ZNF692: variants seen among roughly 807,000 people sequenced by gnomAD.
The protein encoded by ZNF692 is zinc finger protein 692.
Under a neutral mutation model 49.0 loss-of-function variants are expected in ZNF692, and 41 were observed. The ratio of observed to expected loss-of-function variants is 0.84; its 90% CI spans 0.65 to 1.08. ZNF692 has a LOEUF of 1.08. Among genes scored for constraint, ZNF692 ranks in the 50% least tolerant of loss-of-function variants. ZNF692 has a pLI of 0.00. For synonymous variants in ZNF692, 288 were observed against 251.5 expected, an observed-to-expected ratio of 1.15 and a Z score of -1.37; for missense variants, 662 against 662.2, an observed-to-expected ratio of 1.00 and a Z score of 0.00.
chr1:248,850,330 CTCTT>C lies in ZNF692; in HGVS notation c.1436_1439del (p.Gln479ArgfsTer7). The C allele has an allele frequency of 6.2e-7, 1 of 1,613,966 alleles. No individual in the cohort carries two copies. The highest frequency in any genetic ancestry group is 8.5e-7 in the Non-Finnish European group (1 of 1,179,982). ...AGGGCTCTAGGGGACCACTGGGTGA[CTCTT>C]GAGGGGCTAGAAGCAGGGCTGGGTG... On this transcript the variant is annotated frameshift_variant, in exon 12 of 12. Coordinates refer to ENST00000306601, the MANE Select transcript of ZNF692 (RefSeq NM_017865.4). LOFTEE classifies it low-confidence loss of function (END_TRUNC).
In ZNF692 at chr1:248,858,349, G is replaced by A. The variant is rs764418558; in HGVS notation, c.-12-28C>T. 6.6e-7 allele frequency: 1 copy of A among 1,525,316 alleles called. No homozygotes were observed. Among genetic ancestry groups the A allele is most frequent in the Admixed American group, 2.0e-5 (1 of 50,226 alleles). The allele number at this position is 1,525,316 out of a possible 1,614,324, so 94.5% of individuals were successfully genotyped here. Reference sequence around the variant, plus strand: ...GGAGGGTGGAAGGGACGTCTTCAGCGCCCTGCCGATCTCGGGGGTCGGGGA... The same window carrying A: ...GGAGGGTGGAAGGGACGTCTTCAGCACCCTGCCGATCTCGGGGGTCGGGGA... On this transcript the variant is annotated intron_variant, in intron 1 of 11. Transcript: ENST00000306601. This position sits in a 1 kb window ranked among gnomAD's most constrained non-coding sequence, Gnocchi z 4.3.
chr1:248,858,155 T>A lies in ZNF692; in HGVS notation c.155A>T (p.Gln52Leu). ...KERLGFSLHS[Q>L]LAKFLLDRYT... ...CCGGTCCAACAGGAACTTGGCGAGC[T>A]GCGAGTGCAGGGAGAAGCCCAGCCG... Residue 52 changes from glutamine (Q) to leucine (L), a missense_variant, in exon 2 of 12, where the codon CAG (glutamine) becomes CTG (leucine). Gln to Leu is a moderately radical substitution (Grantham distance 113). Transcript: ENST00000306601. The surrounding 1 kb of genome is among the most constrained non-coding windows in gnomAD (Gnocchi z 4.3). 1 of 1,569,618 alleles carries A rather than the reference T, an allele frequency of 6.4e-7. No individual in the cohort carries two copies. Among genetic ancestry groups the A allele is most frequent in the South Asian group, 1.1e-5 (1 of 89,366 alleles).
chr1:248,856,519 C>T lies in ZNF692; in HGVS notation c.519G>A (p.Leu173=). 6.2e-7 allele frequency: 1 copy of T among 1,614,258 alleles called. No homozygotes were observed. Among genetic ancestry groups the T allele is most frequent in the Non-Finnish European group, 8.5e-7 (1 of 1,180,052 alleles). Residue 173 remains leucine (L), a synonymous_variant, in exon 5 of 12, where the codon TTG becomes TTA. Transcript: ENST00000306601. ...TCTCCTATCCACATCCTCACCTGGG[C>T]AACCTGGCCTCTTGAGTCCTCTCAT... The part of the protein sequence containing the change: ...EHDERTQEAR[L]PRRVGPPPET...
Position 248,858,337 on chromosome 1 carries a change from G to A in ZNF692, c.-12-16C>T, listed in dbSNP as rs1046309347. Reference sequence around the variant, plus strand: ...GCACCAGAGGCTGGAGGGTGGAAGGGACGTCTTCAGCGCCCTGCCGATCTC... The same window carrying A: ...GCACCAGAGGCTGGAGGGTGGAAGGAACGTCTTCAGCGCCCTGCCGATCTC... On this transcript the variant is annotated splice_polypyrimidine_tract_variant and intron_variant, in intron 1 of 11. Transcript: ENST00000306601. This position sits in a 1 kb window ranked among gnomAD's most constrained non-coding sequence, Gnocchi z 4.3. 2.0e-6 allele frequency: 3 copies of A among 1,534,728 alleles called. No homozygotes were observed. The highest frequency in any genetic ancestry group is 3.9e-5 in the Admixed American group (2 of 51,194).
chr1:248,850,854 G>C, intron 10 of ZNF692, 73 bp from the exon 11 acceptor site: 5 of 1,314,342 alleles, frequency 3.8e-6, no homozygotes, highest in Non-Finnish European at 5.3e-6. Context: ...CCCACCCACT[G>C]TCCCTCACCA....
At chr1:248,856,704 T>A in intron 4 of ZNF692, 142 bp from the exon 5 acceptor site, 1 of 1,020,458 alleles carries the variant, frequency 9.8e-7, no homozygotes, top group Non-Finnish European at 1.4e-6. Context: ...CCCAGGCTGG[T>A]CTCAAACCCC....
Position 248,850,204 on chromosome 1 carries a change from G to A in ZNF692, c.*6C>T. The A allele has an allele frequency of 6.6e-7, 1 of 1,515,144 alleles. No homozygotes were observed. Among genetic ancestry groups the A allele is most frequent in the Non-Finnish European group, 8.8e-7 (1 of 1,131,738 alleles). The allele number at this position is 1,515,144 out of a possible 1,614,324, so 93.9% of individuals were successfully genotyped here. A position where few individuals can be genotyped will look rare whatever the true frequency, so the allele number is the denominator to read the frequency against. Reference sequence around the variant, plus strand: ...TGGCTTCCCAAAGCCAAAGCTGGAGGAGAGCTCATTGCTGAGGAAGCAGGG... The same window carrying A: ...TGGCTTCCCAAAGCCAAAGCTGGAGAAGAGCTCATTGCTGAGGAAGCAGGG... On this transcript the variant is annotated 3_prime_UTR_variant, in exon 12 of 12. Coordinates refer to ENST00000306601, the MANE Select transcript of ZNF692 (RefSeq NM_017865.4).
Position 248,850,998 on chromosome 1 carries a change from A to G in ZNF692, c.1154-217T>C, listed in dbSNP as rs1659516758. On this transcript the variant is annotated intron_variant, in intron 10 of 11. Transcript: ENST00000306601. ...GATACGAACCCAGCTAAAAGACTTC[A>G]TTATTGTCCACCCCAGCCCCTGCCC... The G allele has an allele frequency of 2.9e-6, 2 of 682,358 alleles. 1 individual carries two copies. Among genetic ancestry groups the G allele is most frequent in the Non-Finnish European group, 5.4e-6 (2 of 373,156 alleles). The allele number at this position is 682,358 out of a possible 1,614,324, so 42.3% of individuals were successfully genotyped here.
At position 248,853,929 on chromosome 1, in the gene ZNF692, C is replaced by T. The variant is rs1416648831; in HGVS notation, c.1153+8G>A. On this transcript the variant is annotated splice_region_variant and intron_variant, in intron 10 of 11. Coordinates refer to ENST00000306601, the MANE Select transcript of ZNF692 (RefSeq NM_017865.4). ...TCCCACAGAGGAAGGTGGAGTTCCA[C>T]CACTCACCACTGTGCAGCTTCATGT... 6.2e-7 allele frequency: 1 copy of T among 1,608,014 alleles called. No homozygotes were observed. Among genetic ancestry groups the T allele is most frequent in the Non-Finnish European group, 8.5e-7 (1 of 1,174,760 alleles).
Position 248,856,408 on chromosome 1 carries a change from G to A in ZNF692, c.539C>T (p.Pro180Leu), listed in dbSNP as rs1415632838. Residue 180 changes from proline (P) to leucine (L), a missense_variant, in exon 6 of 12, where the codon CCA becomes CTA. By Grantham distance (98) the Pro-to-Leu change is moderately conservative. Transcript: ENST00000306601. ...EARLPRRVGP[P>L]PETFPPPGEE... ...TCCTGGAGGTGGGAAGGTCTCTGGT[G>A]GGGGTCCCACCCTCCTGCAGGCCCA... 2 of 1,613,152 alleles carry A rather than the reference G, an allele frequency of 1.2e-6. No individual in the cohort carries two copies. The highest frequency in any genetic ancestry group is 2.7e-5 in the African/African-American group (2 of 74,902).
Position 248,855,435 on chromosome 1 carries a change from A to G in ZNF692, c.983T>C (p.Met328Thr). 2 of 1,614,172 alleles carry G rather than the reference A, an allele frequency of 1.2e-6. No homozygotes were observed. Among genetic ancestry groups the G allele is most frequent in the Non-Finnish European group, 1.7e-6 (2 of 1,180,042 alleles). ...TCCACAGCCAGGGAAGTCACAAGGC[A>G]TCAGCTCTCTTTTGGCAGCTTTCCT... Reference protein sequence around the residue: ...RIRKAAKRELMPCDFPGCGRI... With the variant: ...RIRKAAKRELTPCDFPGCGRI... The change falls in exon 9 of 12, where the codon ATG (methionine) becomes ACG (threonine). Residue 328 changes from methionine (M) to threonine (T), a missense_variant. Coordinates refer to ENST00000306601, the MANE Select transcript of ZNF692 (RefSeq NM_017865.4).
At chr1:248,852,396 G>A (rs1659704701) in intron 10 of ZNF692, among the ~76,000 whole-genome samples, 1 of 152,018 alleles carries the variant, frequency 6.6e-6, no homozygotes, top group African/African-American at 2.4e-5. Context: ...TGTTCCCCCG[G>A]CAGCCCTCCA....
Position 248,858,364 on chromosome 1 carries a change from G to C in ZNF692, c.-12-43C>G. On this transcript the variant is annotated intron_variant, in intron 1 of 11. Transcript: ENST00000306601. The surrounding 1 kb of genome is among the most constrained non-coding windows in gnomAD (Gnocchi z 4.3). ...CGTCTTCAGCGCCCTGCCGATCTCG[G>C]GGGTCGGGGACCCGGCTCCACCTGC... 1 of 1,530,468 alleles carries C rather than the reference G, an allele frequency of 6.5e-7. No individual in the cohort carries two copies. The highest frequency in any genetic ancestry group is 8.8e-7 in the Non-Finnish European group (1 of 1,133,568). The allele number at this position is 1,530,468 out of a possible 1,614,324, so 94.8% of individuals were successfully genotyped here. A position where few individuals can be genotyped will look rare whatever the true frequency, so the allele number is the denominator to read the frequency against.
rs1660468570 is a variant in ZNF692 at position 248,858,187 on chromosome 1, G to C, written c.123C>G (p.Leu41=). 12 of 1,582,762 alleles carry C rather than the reference G, an allele frequency of 7.6e-6. No homozygotes were observed. Among genetic ancestry groups the C allele is most frequent in the Non-Finnish European group, 9.4e-6 (11 of 1,164,892 alleles). Residue 41 remains leucine, a synonymous_variant, in exon 2 of 12, where the codon CTC becomes CTG. Coordinates refer to ENST00000306601, the MANE Select transcript of ZNF692 (RefSeq NM_017865.4). This position sits in a 1 kb window ranked among gnomAD's most constrained non-coding sequence, Gnocchi z 4.3. ...LGGHMEQWCL[L]KERLGFSLHS... Reference sequence around the variant, plus strand: ...GCAGGGAGAAGCCCAGCCGCTCCTTGAGGAGGCACCACTGCTCCATGTGGC... The same window carrying C: ...GCAGGGAGAAGCCCAGCCGCTCCTTCAGGAGGCACCACTGCTCCATGTGGC...
At chr1:248,852,387 G>A (rs374008755) in intron 10 of ZNF692, among the ~76,000 whole-genome samples, 1 of 152,064 alleles carries the variant, frequency 6.6e-6, no homozygotes, top group Non-Finnish European at 1.5e-5. Flanking sequence ...TGCTCAAACT[G>A]TTCCCCCGGC....
chr1:248,854,036 G>C lies in ZNF692; in HGVS notation c.1054C>G (p.Gln352Glu). Residue 352 changes from glutamine to glutamate, a missense_variant, in exon 10 of 12, where the codon CAG (glutamine) becomes GAG (glutamate). By Grantham distance (29) the Gln-to-Glu change is conservative. Transcript: ENST00000306601. ...RQYLNHHKKY[Q>E]HIHQKSFSCP... ...GAGAAAGACTTCTGGTGGATGTGCTGGTACTTTTTGTGGTGCTAGAGAAGG... is the reference window on the plus strand; with the variant it reads ...GAGAAAGACTTCTGGTGGATGTGCTCGTACTTTTTGTGGTGCTAGAGAAGG... 3 of 1,614,084 alleles carry C rather than the reference G, an allele frequency of 1.9e-6. No homozygotes were observed. The highest frequency in any genetic ancestry group is 2.5e-6 in the Non-Finnish European group (3 of 1,179,946).
intron 6 of ZNF692, 170 bp downstream of exon 6, chr1:248,856,118 C>T (rs1039672761): frequency 8.1e-7 from 1 of 1,232,086 alleles, no homozygotes; most frequent in Non-Finnish European, 1.1e-6. Context: ...CACCTGACTT[C>T]ACCCCTTTTC....
chr1:248,854,069 T>C lies in ZNF692; in HGVS notation c.1039-18A>G. ...TTGTGGTGCTAGAGAAGGAAGTGGGTGGTAGGGAGAGAAGAGGCAAAAGGA... is the reference window on the plus strand; with the variant it reads ...TTGTGGTGCTAGAGAAGGAAGTGGGCGGTAGGGAGAGAAGAGGCAAAAGGA... On this transcript the variant is annotated intron_variant, in intron 9 of 11. Transcript: ENST00000306601. 1 of 1,601,096 alleles carries C rather than the reference T, an allele frequency of 6.2e-7. No individual in the cohort carries two copies. Among genetic ancestry groups the C allele is most frequent in the Non-Finnish European group, 8.6e-7 (1 of 1,168,328 alleles).
In ZNF692 at chr1:248,858,657, A is replaced by G. The variant is rs1425927733; in HGVS notation, c.-13+261T>C. ...CAACTGGGCTGGGGGCGGTCCACAC[A>G]TTTCATCTTGAATAGGGCAGCGGCC... On this transcript the variant is annotated intron_variant, in intron 1 of 11. Transcript: ENST00000306601. This position sits in a 1 kb window ranked among gnomAD's most constrained non-coding sequence, Gnocchi z 4.3. 1.8e-6 allele frequency: 2 copies of G among 1,119,706 alleles called. No individual in the cohort carries two copies. Among genetic ancestry groups the G allele is most frequent in the African/African-American group, 3.1e-5 (2 of 64,486 alleles). 69.4% of individuals were successfully genotyped at this position (1,119,706 alleles called of 1,614,324 possible).
Sources: allele counts gnomAD v4.1 joint callset (sites outside exome capture counted in the v4.1 genomes callset), GRCh38; gene constraint gnomAD v4.1.1; non-coding constraint Gnocchi (gnomAD v3.1); transcripts MANE v1.5; gene names NCBI Gene and HGNC (gene_info 2026-07-23, HGNC 2026-07-21).